EYS: variants seen among roughly 807,000 people sequenced by gnomAD.
EYS encodes EGF-like photoreceptor maintenance factor, also known as protein eyes shut homolog.
Under a neutral mutation model 282.1 loss-of-function variants are expected in EYS, and 250 were observed. The observed-to-expected ratio is 0.89, with a 90% confidence interval of 0.80 to 0.98. EYS has a LOEUF of 0.98. Ranked by LOEUF, EYS falls within the 50% of genes least tolerant of loss-of-function variation. EYS has a pLI of 0.00. For missense variants in EYS, 4,016 were observed against 3,709.0 expected, an observed-to-expected ratio of 1.08 and a Z score of -2.15; for synonymous variants, 1,355 against 1,282.9, an observed-to-expected ratio of 1.06 and a Z score of -1.20.
At chr6:64,451,072 G>C (rs1284375760) in intron 26 of EYS, among the ~76,000 whole-genome samples, 7 of 152,010 alleles carry the variant, frequency 4.6e-5, no homozygotes, top group Non-Finnish European at 1.0e-4. Flanking sequence ...CCAGGAGCTG[G>C]TTTTTTTGAA....
Position 63,761,093 on chromosome 6 carries a change from C to T in EYS, c.8071+1368G>A, listed in dbSNP as rs536341334. Among the ~76,000 whole-genome samples, 4 of 146,392 alleles carry T rather than the reference C, an allele frequency of 2.7e-5. No individual in the cohort carries two copies. In the South Asian group the frequency reaches 6.5e-4, roughly 24 times the overall value. On this transcript the variant is annotated intron_variant, in intron 41 of 42. Transcript: ENST00000503581. ...TGCACTATATGATGGATGCTAGATA[C>T]TCAACAGACATGGTCACTGCCCTCA...
chr6:64,843,055 A>C (rs563453611), intron 19 of EYS, among the ~76,000 whole-genome samples: 2 of 152,254 alleles, frequency 1.3e-5, no homozygotes, highest in East Asian at 3.9e-4. Flanking sequence ...GAAGGAAAAA[A>C]TGGTTTCATG....
At chr6:63,739,681 A>G (rs1431126890) in intron 41 of EYS, among the ~76,000 whole-genome samples, 4 of 152,026 alleles carry the variant, frequency 2.6e-5, no homozygotes, top group African/African-American at 9.7e-5. Context: ...TACTTTATGA[A>G]TTAAAAAGTA....
At chr6:64,333,112 T>C (rs969694675) in intron 29 of EYS, among the ~76,000 whole-genome samples, 24 of 152,226 alleles carry the variant, frequency 1.6e-4, no homozygotes, top group Admixed American at 1.6e-3. Context: ...AACTTGTGTC[T>C]ATAACCAGAC....
chr6:65,460,075 A>G (rs2150409009), intron 5 of EYS, among the ~76,000 whole-genome samples: 1 of 75,224 alleles, frequency 1.3e-5, no homozygotes, highest in Non-Finnish European at 2.6e-5. Context: ...ATATATGTAT[A>G]CACACACACA....
intron 13 of EYS, among the ~76,000 whole-genome samples, chr6:65,045,246 A>AATGTTTTCT (rs1773068171): frequency 6.6e-6 from 1 of 151,912 alleles, no homozygotes; most frequent in Non-Finnish European, 1.5e-5. Flanking sequence ...GATCTTTGAC[A>AATGTTTTCT]AAATACAATT....
intron 2 of EYS, among the ~76,000 whole-genome samples, chr6:65,524,770 G>T (rs1270238115): frequency 1.3e-5 from 2 of 152,176 alleles, no homozygotes; most frequent in African/African-American, 2.4e-5. Context: ...CTAGCAGAAG[G>T]ATTGCATGTA....
intron 22 of EYS, among the ~76,000 whole-genome samples, chr6:64,632,875 A>C (rs1767837168): frequency 6.6e-6 from 1 of 152,110 alleles, no homozygotes. Context: ...TATGCTCTAA[A>C]TTTTTAAAAA....
Position 63,734,569 on chromosome 6 carries a change from T to C in EYS, c.8072-7889A>G, listed in dbSNP as rs545177846. ...GTGGCTTGTATCAGAGAAGTAGCAG[T>C]GGAGGTAGTGAAAAGTCATATTTCA... On this transcript the variant is annotated intron_variant, in intron 41 of 42. Coordinates refer to ENST00000503581, the MANE Select transcript of EYS (RefSeq NM_001142800.2). 2.0e-5 allele frequency among the ~76,000 whole-genome samples: 3 copies of C among 152,114 alleles called. No homozygotes were observed. The East Asian group carries it at 5.8e-4, about 29-fold the overall frequency.
chr6:64,160,904 A>G (rs1775086560), intron 31 of EYS, among the ~76,000 whole-genome samples: 1 of 152,220 alleles, frequency 6.6e-6, no homozygotes, highest in Non-Finnish European at 1.5e-5. Flanking sequence ...GAATGATGCC[A>G]GGACTGCTGT....
intron 12 of EYS, among the ~76,000 whole-genome samples, chr6:65,158,929 G>C (rs1445840268): frequency 6.6e-6 from 1 of 150,788 alleles, no homozygotes; most frequent in Admixed American, 6.6e-5. Context: ...AGCATTCTGA[G>C]TCCCAACCAA....
chr6:65,535,038 C>A (rs190506243), intron 2 of EYS, among the ~76,000 whole-genome samples: 1 of 152,034 alleles, frequency 6.6e-6, no homozygotes, highest in Admixed American at 6.6e-5. Flanking sequence ...AAAACAAAAG[C>A]AATAGGAGAT....
At chr6:65,171,686 C>T (rs1050071983) in intron 12 of EYS, among the ~76,000 whole-genome samples, 5 of 151,378 alleles carry the variant, frequency 3.3e-5, no homozygotes, top group African/African-American at 1.2e-4. Context: ...AAACACTGCT[C>T]ACAGGATCAT....
At chr6:64,577,608 A>G (rs980531617) in intron 26 of EYS, among the ~76,000 whole-genome samples, 4 of 152,094 alleles carry the variant, frequency 2.6e-5, no homozygotes, top group African/African-American at 9.7e-5. Context: ...GAGTTCCTCA[A>G]TTCAACGTGA....
chr6:64,845,257 C>A (rs1765683965), intron 19 of EYS, among the ~76,000 whole-genome samples: 1 of 151,916 alleles, frequency 6.6e-6, no homozygotes, highest in Non-Finnish European at 1.5e-5. Context: ...TGCCACTACA[C>A]TCCTGCCTGG....
chr6:63,970,302 C>T (rs978156295), intron 35 of EYS, among the ~76,000 whole-genome samples: 5 of 152,150 alleles, frequency 3.3e-5, no homozygotes, highest in Admixed American at 6.5e-5. Flanking sequence ...CTGCACTGGC[C>T]CCATGTCCAT....
chr6:64,062,145 G>T (rs1424837644), intron 33 of EYS, among the ~76,000 whole-genome samples: 1 of 152,026 alleles, frequency 6.6e-6, no homozygotes, highest in Admixed American at 6.6e-5. Context: ...AATTAAGTTG[G>T]AAAAAGCCGT....
chr6:64,269,883 A>C (rs1341795400), intron 30 of EYS, among the ~76,000 whole-genome samples: 1 of 152,094 alleles, frequency 6.6e-6, no homozygotes, highest in Non-Finnish European at 1.5e-5. Flanking sequence ...GACATATTAC[A>C]ACAAACATAT....
chr6:65,486,948 A>T (rs1020029119), intron 5 of EYS, among the ~76,000 whole-genome samples: 10 of 152,080 alleles, frequency 6.6e-5, no homozygotes, highest in African/African-American at 2.4e-4. Flanking sequence ...TGTGAATGGG[A>T]GTTCACTCAT....
Sources: allele counts gnomAD v4.1 joint callset (sites outside exome capture counted in the v4.1 genomes callset), GRCh38; gene constraint gnomAD v4.1.1; transcripts MANE v1.5; gene names NCBI Gene and HGNC (gene_info 2026-07-23, HGNC 2026-07-21).